IFT46: variants seen among roughly 807,000 people sequenced by gnomAD.
IFT46 encodes the protein intraflagellar transport protein 46 homolog.
IFT46 carries 19 observed loss-of-function variants against 39.6 expected under a neutral mutation model. The ratio of observed to expected loss-of-function variants is 0.48; its 90% CI spans 0.33 to 0.70. The LOEUF is 0.70. Ranked by LOEUF, IFT46 falls within the 30% of genes least tolerant of loss-of-function variation. The pLI is 0.01. For missense variants in IFT46, 334 were observed against 364.8 expected (o/e 0.92, Z 0.69); for synonymous variants, 117 against 134.8 (o/e 0.87, Z 0.91).
At chr11:118,545,341 G>A (rs1191738257) in intron 11 of IFT46, 68 bp downstream of exon 11, 2 of 1,159,938 alleles carry the variant, frequency 1.7e-6, no homozygotes, top group Non-Finnish European at 2.6e-6. Context: ...AATCACAGCA[G>A]GCTCAGAACA....
intron 5 of IFT46, 43 bp from the exon 6 acceptor site, chr11:118,555,126 GTTACT>G: frequency 6.4e-7 from 1 of 1,553,698 alleles, no homozygotes; most frequent in East Asian, 2.2e-5. Flanking sequence ...GTCAGAAAAA[GTTACT>G]TTACTATTCA....
At chr11:118,559,636 C>T (rs1937964234) in intron 3 of IFT46, 149 bp downstream of exon 3, 6 of 700,528 alleles carry the variant, frequency 8.6e-6, no homozygotes, top group Non-Finnish European at 1.5e-5. Context: ...TCTCAAGGCT[C>T]TTTGTAACTG....
At chr11:118,572,761 C>G in exon 1 of IFT46, 2 of 510,526 alleles carry the variant, frequency 3.9e-6, no homozygotes, top group Non-Finnish European at 6.9e-6. Context: ...GTCGTGCCCG[C>G]TTCCGCACCA....
upstream of IFT46, among the ~76,000 whole-genome samples, chr11:118,569,059 T>C (rs1276403207): frequency 6.6e-6 from 1 of 151,180 alleles, no homozygotes; most frequent in East Asian, 2.0e-4. Flanking sequence ...GGCAGGCAGA[T>C]CACTTGAGGT....
chr11:118,548,801 C>CT lies in IFT46; in HGVS notation c.673-2949dup, dbSNP rs1199331146. Among the ~76,000 whole-genome samples the CT allele has an allele frequency of 5.6e-5, 8 of 142,870 alleles. No homozygotes were observed. In the Admixed American group the frequency reaches 5.6e-4, roughly 10 times the overall value. 93.7% of individuals were successfully genotyped at this position (142,870 alleles called of 152,430 possible). A position where few individuals can be genotyped will look rare whatever the true frequency, so the allele number is the denominator to read the frequency against. On this transcript the variant is annotated intron_variant, in intron 9 of 11. Coordinates refer to ENST00000264021, the MANE Select transcript of IFT46 (RefSeq NM_001168618.2). ...CCACTGCACCTGGCCTTTTTTTTTT[C>CT]TTTTAATAGAGATGGGTCTATGTTG...
At chr11:118,567,084 T>TA (rs1291937560), upstream of IFT46, among the ~76,000 whole-genome samples, 63 of 150,566 alleles carry the variant, frequency 4.2e-4, no homozygotes, top group African/African-American at 1.0e-3. Context: ...CTATTAAAAA[T>TA]AAAAAAAAAA....
chr11:118,545,197 ACTC>A (rs1162747157), intron 11 of IFT46, among the ~76,000 whole-genome samples, 186 bp from the exon 12 acceptor site: 3 of 150,748 alleles, frequency 2.0e-5, no homozygotes, highest in African/African-American at 7.3e-5. Flanking sequence ...AAGGCCCACA[ACTC>A]CTACTTCCAC....
chr11:118,546,345 G>A, intron 9 of IFT46: 1 of 573,664 alleles, frequency 1.7e-6, no homozygotes, highest in East Asian at 3.0e-5. Context: ...AAAAAAATTA[G>A]CCGGGTGTGG....
chr11:118,571,791 A>G (rs1555072378), intron 1 of IFT46, among the ~76,000 whole-genome samples: 1 of 152,108 alleles, frequency 6.6e-6, no homozygotes, highest in African/African-American at 2.4e-5. Flanking sequence ...TTTATTGCTG[A>G]GTTATAAGAG....
chr11:118,566,974 T>A (rs1270366761), upstream of IFT46, among the ~76,000 whole-genome samples: 1 of 152,188 alleles, frequency 6.6e-6, no homozygotes, highest in Non-Finnish European at 1.5e-5. Flanking sequence ...GGCTCACACC[T>A]GTAATCCCAG....
chr11:118,555,362 A>G, intron 4 of IFT46, 40 bp from the exon 5 acceptor site: 1 of 1,521,372 alleles, frequency 6.6e-7, no homozygotes. Flanking sequence ...TGGCCAGAGA[A>G]GAGCAGAGGT....
rs1951657130 is a variant in IFT46, at chr11:118,545,497, G to A, written c.734-3C>T. ...GTAGACAGGGATGTCTAGAATGGCT[G>A]AAACGAAGAAGAACTTCCAGGAACA... On this transcript the variant is annotated splice_region_variant and splice_polypyrimidine_tract_variant and intron_variant, in intron 10 of 11. Transcript: ENST00000264021. 16 of 1,610,388 alleles carry A rather than the reference G, an allele frequency of 9.9e-6. No individual in the cohort carries two copies. Among genetic ancestry groups the A allele is most frequent in the Non-Finnish European group, 1.4e-5 (16 of 1,176,750 alleles).
intron 4 of IFT46, among the ~76,000 whole-genome samples, chr11:118,555,799 T>A (rs949912953): frequency 5.3e-5 from 8 of 152,022 alleles, no homozygotes; most frequent in African/African-American, 1.9e-4. Flanking sequence ...GGTGCACACC[T>A]GTAGTCGCAG....
chr11:118,575,336 G>A (rs965698834), upstream of IFT46, among the ~76,000 whole-genome samples: 1 of 151,992 alleles, frequency 6.6e-6, no homozygotes, highest in Non-Finnish European at 1.5e-5. Flanking sequence ...GAAAGAAAAT[G>A]ATTCTCTTGA....
chr11:118,557,125 AC>A, intron 3 of IFT46, 80 bp from the exon 4 acceptor site: 1 of 1,250,154 alleles, frequency 8.0e-7, no homozygotes, highest in East Asian at 2.8e-5. Flanking sequence ...TATTGCTCTA[AC>A]CAATACACCA....
chr11:118,546,615 G>C (rs1419643403), intron 9 of IFT46: 1 of 159,712 alleles, frequency 6.3e-6, no homozygotes, highest in Non-Finnish European at 1.4e-5. Flanking sequence ...CTCAGTCTAT[G>C]GTACTTTGTT....
intron 2 of IFT46, among the ~76,000 whole-genome samples, chr11:118,563,612 T>A (rs1434109431): frequency 6.6e-6 from 1 of 152,074 alleles, no homozygotes; most frequent in Non-Finnish European, 1.5e-5. Flanking sequence ...TCATCTCAAC[T>A]CAGCCATCAC....
chr11:118,552,898 C>A (rs543127917), intron 7 of IFT46, among the ~76,000 whole-genome samples: 10 of 149,378 alleles, frequency 6.7e-5, no homozygotes, highest in Non-Finnish European at 1.2e-4. Flanking sequence ...ATAGGGAGAC[C>A]CTACCTCTAT....
intron 8 of IFT46, 137 bp from the exon 9 acceptor site, chr11:118,551,989 C>A: frequency 9.8e-7 from 1 of 1,018,354 alleles, no homozygotes; most frequent in Non-Finnish European, 1.5e-6. Flanking sequence ...CTAGACTGGG[C>A]ATACCAAAGT....
Sources: gnomAD v4.1 joint callset for allele counts (sites outside exome capture counted in the v4.1 genomes callset) on GRCh38, gnomAD v4.1.1 for gene constraint, MANE v1.5 for transcripts, NCBI Gene and HGNC (gene_info 2026-07-23, HGNC 2026-07-21) for gene names.